The following ENTREP2 variants were observed in gnomAD, a reference collection of about 807,000 sequenced individuals.
ENTREP2 encodes the protein protein ENTREP2.
the ENTREP2 span, among the ~76,000 whole-genome samples, chr15:29,595,519 T>C: frequency 6.6e-6 from 1 of 152,162 alleles, no homozygotes; most frequent in Non-Finnish European, 1.5e-5. Flanking sequence ...AGAACACACG[T>C]CCACAGTATA....
chr15:29,459,482 A>G, the ENTREP2 span, among the ~76,000 whole-genome samples: 5,640 of 152,292 alleles, frequency 0.037, 143 homozygotes, highest in South Asian at 0.11. Context: ...TTACTGTAAG[A>G]GGTCCTCAAT....
chr15:29,336,373 G>A, the ENTREP2 span, among the ~76,000 whole-genome samples: 2 of 151,756 alleles, frequency 1.3e-5, no homozygotes, highest in African/African-American at 2.4e-5. Context: ...GTGCAGTGGC[G>A]TGATCACAGC....
chr15:29,649,742 A>AAAAAAAG, the ENTREP2 span, among the ~76,000 whole-genome samples: 1 of 150,898 alleles, frequency 6.6e-6, no homozygotes, highest in African/African-American at 2.5e-5. Context: ...AAAAAAAAAA[A>AAAAAAAG]AAAGAAAGAA....
chr15:29,236,199 C>A, the ENTREP2 span, among the ~76,000 whole-genome samples: 1 of 152,130 alleles, frequency 6.6e-6, no homozygotes, highest in Non-Finnish European at 1.5e-5. Flanking sequence ...ACAGACCCTG[C>A]AGACATCCAA....
At chr15:29,581,058 T>C in the ENTREP2 span, among the ~76,000 whole-genome samples, 1 of 106,654 alleles carries the variant, frequency 9.4e-6, no homozygotes, top group East Asian at 2.1e-4. Context: ...ATAGTCATTA[T>C]TGTAATGACT....
chr15:29,258,475 AAG>A, the ENTREP2 span, among the ~76,000 whole-genome samples: 1 of 145,178 alleles, frequency 6.9e-6, no homozygotes, highest in South Asian at 2.3e-4. Context: ...AAGAGACAAT[AAG>A]ATCTTTTTGC....
At chr15:29,187,045 C>T in the ENTREP2 span, among the ~76,000 whole-genome samples, 1 of 152,010 alleles carries the variant, frequency 6.6e-6, no homozygotes, top group African/African-American at 2.4e-5. Flanking sequence ...TCATATATTC[C>T]CACTTCCTCA....
the ENTREP2 span, among the ~76,000 whole-genome samples, chr15:29,245,166 G>C: frequency 6.6e-6 from 1 of 152,124 alleles, no homozygotes; most frequent in Non-Finnish European, 1.5e-5. Context: ...CATGCGGCGA[G>C]TAGCCTCTTC....
chr15:29,327,028 T>C, the ENTREP2 span, among the ~76,000 whole-genome samples: 4 of 151,980 alleles, frequency 2.6e-5, no homozygotes, highest in African/African-American at 4.8e-5. Flanking sequence ...AAAAGAAACC[T>C]AGACATAAAA....
At chr15:29,549,487 G>A in the ENTREP2 span, among the ~76,000 whole-genome samples, 1 of 152,090 alleles carries the variant, frequency 6.6e-6, no homozygotes, top group Non-Finnish European at 1.5e-5. Flanking sequence ...AGCTAGGATG[G>A]TCTCAATCTC....
At chr15:29,477,437 G>T in the ENTREP2 span, among the ~76,000 whole-genome samples, 1 of 152,174 alleles carries the variant, frequency 6.6e-6, no homozygotes, top group African/African-American at 2.4e-5. Flanking sequence ...TAAGGGCTGA[G>T]GAGAGAAACT....
the ENTREP2 span, among the ~76,000 whole-genome samples, chr15:29,669,189 C>G: frequency 2.5e-3 from 377 of 152,298 alleles, 2 homozygotes; most frequent in African/African-American, 8.6e-3. Context: ...GCCTGGGCAA[C>G]AGAGCGAGAC....
the ENTREP2 span, among the ~76,000 whole-genome samples, chr15:29,174,788 A>G: frequency 6.6e-6 from 1 of 152,222 alleles, no homozygotes; most frequent in East Asian, 1.9e-4. Context: ...TTGTAAAACA[A>G]GAACTTTTCC....
At chr15:29,218,679 G>A in the ENTREP2 span, among the ~76,000 whole-genome samples, 1 of 152,266 alleles carries the variant, frequency 6.6e-6, no homozygotes, top group East Asian at 1.9e-4. Context: ...ACAGCCAACT[G>A]ATCTTCGACA....
the ENTREP2 span, among the ~76,000 whole-genome samples, chr15:29,642,891 C>T: frequency 2.0e-5 from 3 of 152,162 alleles, no homozygotes; most frequent in Admixed American, 6.5e-5. Context: ...GGATTACAGG[C>T]ATGAGCCATC....
chr15:29,300,585 C>T, the ENTREP2 span, among the ~76,000 whole-genome samples: 2 of 152,074 alleles, frequency 1.3e-5, no homozygotes, highest in Admixed American at 6.6e-5. Context: ...GAGAAGGAAG[C>T]GAGGTACAGA....
chr15:29,338,999 G>A, the ENTREP2 span, among the ~76,000 whole-genome samples: 9 of 152,250 alleles, frequency 5.9e-5, no homozygotes, highest in East Asian at 1.7e-3. Context: ...CTTGGATGGG[G>A]TGGGGTTTTA....
chr15:29,132,914 G>A, the ENTREP2 span, among the ~76,000 whole-genome samples: 3 of 152,088 alleles, frequency 2.0e-5, no homozygotes, highest in African/African-American at 7.2e-5. Flanking sequence ...GTGCAGAGCC[G>A]GAATTGTGAT....
the ENTREP2 span, among the ~76,000 whole-genome samples, chr15:29,271,113 A>G: frequency 4.6e-5 from 7 of 152,240 alleles, no homozygotes; most frequent in Non-Finnish European, 1.0e-4. Context: ...TCCATGAACT[A>G]ATGCAAGTAT....
Sources: gnomAD v4.1 joint callset for allele counts (sites outside exome capture counted in the v4.1 genomes callset) on GRCh38, gnomAD v4.1.1 for gene constraint, MANE v1.5 for transcripts, NCBI Gene and HGNC (gene_info 2026-07-23, HGNC 2026-07-21) for gene names.